The following CFAP44 variants were observed in gnomAD, a reference collection of about 807,000 sequenced individuals.
The protein encoded by CFAP44 is cilia- and flagella-associated protein 44.
A neutral mutation model predicts 216.2 loss-of-function variants in CFAP44; 134 were observed. That is an observed-to-expected ratio of 0.62 (90% CI 0.54 to 0.72). CFAP44 has a LOEUF of 0.72. Among genes scored for constraint, CFAP44 ranks in the 30% least tolerant of loss-of-function variants. CFAP44 has a pLI of 0.00. For synonymous variants in CFAP44, 700 were observed against 727.6 expected, an observed-to-expected ratio of 0.96 and a Z score of 0.61; for missense variants, 2,035 against 2,182.1, an observed-to-expected ratio of 0.93 and a Z score of 1.34.
chr3:113,368,835 C>T (rs1020705174), intron 18 of CFAP44, among the ~76,000 whole-genome samples: 5 of 152,028 alleles, frequency 3.3e-5, no homozygotes, highest in African/African-American at 1.2e-4. Flanking sequence ...TGTGCTGTAT[C>T]CAGGAGACCC....
At chr3:113,434,641 A>G (rs1935192308) in intron 1 of CFAP44, 1 of 152,160 alleles carries the variant, frequency 6.6e-6, no homozygotes, top group South Asian at 2.1e-4. Context: ...TGTTTCCTCA[A>G]CATTCTTCTA....
chr3:113,337,647 C>T (rs749889377), intron 24 of CFAP44, among the ~76,000 whole-genome samples: 3 of 152,114 alleles, frequency 2.0e-5, no homozygotes, highest in Admixed American at 1.3e-4. Flanking sequence ...TAGACCCACA[C>T]AAATATGTCC....
chr3:113,389,043 G>T (rs377018131), intron 15 of CFAP44, among the ~76,000 whole-genome samples: 13 of 152,270 alleles, frequency 8.5e-5, no homozygotes, highest in African/African-American at 3.1e-4. Context: ...GATATTTATA[G>T]AACTTTTTAT....
chr3:113,400,736 C>T, intron 11 of CFAP44, 92 bp from the exon 12 acceptor site: 1 of 1,128,442 alleles, frequency 8.9e-7, no homozygotes, highest in Non-Finnish European at 1.3e-6. Context: ...AAAAATATAA[C>T]ACATGTGATT....
At chr3:113,404,038 G>A in intron 8 of CFAP44, 22 bp from the exon 9 acceptor site, 3 of 1,605,074 alleles carry the variant, frequency 1.9e-6, no homozygotes, top group Non-Finnish European at 2.6e-6. Flanking sequence ...GTGGAAAAAA[G>A]AAATGTGCAT....
intron 31 of CFAP44, among the ~76,000 whole-genome samples, 184 bp downstream of exon 31, chr3:113,304,852 T>C (rs1188178697): frequency 6.6e-6 from 1 of 152,260 alleles, no homozygotes; most frequent in Non-Finnish European, 1.5e-5. Context: ...TATCCATGTT[T>C]TGATGTTACT....
chr3:113,368,845 C>T (rs1933048504), intron 18 of CFAP44, among the ~76,000 whole-genome samples: 1 of 152,138 alleles, frequency 6.6e-6, no homozygotes, highest in African/African-American at 2.4e-5. Context: ...CCAGGAGACC[C>T]ATCTCACTTA....
chr3:113,295,969 T>C (rs1949875897), intron 33 of CFAP44, among the ~76,000 whole-genome samples: 1 of 152,184 alleles, frequency 6.6e-6, no homozygotes, highest in African/African-American at 2.4e-5. Context: ...TACTGTGTAA[T>C]AGTGAGGTTT....
In CFAP44 at chr3:113,346,844, T is replaced by C. The variant is rs560756817; in HGVS notation, c.3066-2132A>G. Among the ~76,000 whole-genome samples, 3 of 152,324 alleles carry C rather than the reference T, an allele frequency of 2.0e-5. No homozygotes were observed. The South Asian group carries it at 6.2e-4, about 32-fold the overall frequency. On this transcript the variant is annotated intron_variant, in intron 22 of 34. Coordinates refer to ENST00000393845, the MANE Select transcript of CFAP44 (RefSeq NM_001164496.2). Reference sequence around the variant, plus strand: ...GCAGCGGCAAACCACTCGGGTCCCCTTCCATGCTGTGGAAGCTTTGTTTTT... The same window carrying C: ...GCAGCGGCAAACCACTCGGGTCCCCCTCCATGCTGTGGAAGCTTTGTTTTT...
At chr3:113,421,586 T>C (rs1452302347) in intron 4 of CFAP44, among the ~76,000 whole-genome samples, 1 of 152,162 alleles carries the variant, frequency 6.6e-6, no homozygotes, top group African/African-American at 2.4e-5. Context: ...GGAATCAACC[T>C]AGATACCCAT....
Position 113,400,537 on chromosome 3 carries a change from C to A in CFAP44, c.1474+8G>T. The A allele has an allele frequency of 6.4e-7, 1 of 1,558,082 alleles. No individual in the cohort carries two copies. Among genetic ancestry groups the A allele is most frequent in the South Asian group, 1.2e-5 (1 of 81,026 alleles). ...CCAGACATATTTTTATTAAGAGTTC[C>A]TACTTACAGTCCAAGGCAGTTGTGG... On this transcript the variant is annotated splice_region_variant and intron_variant, in intron 12 of 34. Transcript: ENST00000393845.
intron 33 of CFAP44, among the ~76,000 whole-genome samples, chr3:113,296,347 G>T (rs544211021): frequency 1.4e-4 from 22 of 151,820 alleles, no homozygotes; most frequent in Non-Finnish European, 2.4e-4. Flanking sequence ...TTCTCATTGT[G>T]GTTTTAATTT....
chr3:113,392,888 C>A (rs1274191597), intron 15 of CFAP44, among the ~76,000 whole-genome samples: 2 of 152,216 alleles, frequency 1.3e-5, no homozygotes, highest in African/African-American at 4.8e-5. Context: ...TGTCAATTCT[C>A]TCTTCTAAAT....
chr3:113,374,662 T>C (rs945205083), intron 17 of CFAP44, among the ~76,000 whole-genome samples: 5 of 152,088 alleles, frequency 3.3e-5, no homozygotes, highest in Admixed American at 6.6e-5. Context: ...TGAGATGGGG[T>C]CTTACTCTGT....
At chr3:113,417,295 T>G (rs1288701178) in intron 5 of CFAP44, 2 of 152,206 alleles carry the variant, frequency 1.3e-5, no homozygotes, top group African/African-American at 4.8e-5. Context: ...GTAAGAAAGA[T>G]ATAATATTTC....
chr3:113,297,101 T>C (rs1296644209), intron 32 of CFAP44, among the ~76,000 whole-genome samples: 1 of 152,212 alleles, frequency 6.6e-6, no homozygotes, highest in East Asian at 1.9e-4. Context: ...TGTGTAAAAC[T>C]GACTCAATGT....
intron 1 of CFAP44, among the ~76,000 whole-genome samples, chr3:113,438,505 C>T (rs992099937): frequency 3.3e-5 from 5 of 152,158 alleles, no homozygotes; most frequent in African/African-American, 9.7e-5. Context: ...TGAGTCAACA[C>T]AGGAAAGCTC....
chr3:113,315,951 G>A (rs1950082739), intron 28 of CFAP44, among the ~76,000 whole-genome samples: 1 of 152,160 alleles, frequency 6.6e-6, no homozygotes, highest in African/African-American at 2.4e-5. Context: ...TTTAAGATAG[G>A]TTTATCAGGA....
chr3:113,354,147 T>G (rs1025434279), intron 22 of CFAP44, among the ~76,000 whole-genome samples: 1 of 151,304 alleles, frequency 6.6e-6, no homozygotes, highest in Non-Finnish European at 1.5e-5. Context: ...AGCTCAAGAA[T>G]AGTTAAAAGT....
Sources: gnomAD v4.1 joint callset for allele counts (sites outside exome capture counted in the v4.1 genomes callset) on GRCh38, gnomAD v4.1.1 for gene constraint, MANE v1.5 for transcripts, NCBI Gene and HGNC (gene_info 2026-07-23, HGNC 2026-07-21) for gene names.